DGKI: variants seen among roughly 807,000 people sequenced by gnomAD.
DGKI encodes diacylglycerol kinase iota.
A neutral mutation model predicts 147.5 loss-of-function variants in DGKI; 55 were observed. That is an observed-to-expected ratio of 0.37 (90% CI 0.30 to 0.47). The LOEUF (loss-of-function observed/expected upper bound fraction) is 0.47. DGKI is among the 20% of genes least tolerant of loss of function. The probability of loss-of-function intolerance (pLI) is 1.00; values close to 1 mark genes in which losing one functional copy is unlikely to be tolerated. For synonymous variants in DGKI, 469 were observed against 477.1 expected (o/e 0.98, Z 0.22); for missense variants, 1,007 against 1,323.8 (o/e 0.76, Z 3.71).
intron 19 of DGKI, among the ~76,000 whole-genome samples, chr7:137,554,155 G>T (rs1195240187): frequency 6.6e-6 from 1 of 152,228 alleles, no homozygotes; most frequent in African/African-American, 2.4e-5. Flanking sequence ...AGGAAGTACT[G>T]TAATTAGCTT....
At chr7:137,722,045 A>T (rs1476643362) in intron 1 of DGKI, 7 of 1,591,940 alleles carry the variant, frequency 4.4e-6, no homozygotes, top group Non-Finnish European at 5.9e-6. Context: ...GAAGCCAAGA[A>T]GGCTGATGCT....
At chr7:137,411,956 A>T (rs1338644894) in intron 29 of DGKI, among the ~76,000 whole-genome samples, 1 of 152,184 alleles carries the variant, frequency 6.6e-6, no homozygotes, top group East Asian at 1.9e-4. Flanking sequence ...CATCCTGGGG[A>T]CATGCAGTTC....
chr7:137,678,953 T>C (rs1176424857), intron 2 of DGKI, among the ~76,000 whole-genome samples: 1 of 152,184 alleles, frequency 6.6e-6, no homozygotes, highest in Non-Finnish European at 1.5e-5. Context: ...TCTAAATAGT[T>C]CGATGTCAAA....
At chr7:137,406,611 T>C (rs1188288135) in intron 30 of DGKI, among the ~76,000 whole-genome samples, 1 of 152,198 alleles carries the variant, frequency 6.6e-6, no homozygotes, top group Admixed American at 6.5e-5. Context: ...GATAGTTTAG[T>C]ACCTACCTTG....
intron 19 of DGKI, among the ~76,000 whole-genome samples, chr7:137,557,745 G>A: frequency 6.6e-6 from 1 of 152,052 alleles, no homozygotes; most frequent in Non-Finnish European, 1.5e-5. Context: ...ACTCAGACAG[G>A]CAGCCCTCAC....
rs748435522 is a variant in DGKI at position 137,609,523 on chromosome 7, T to G, written c.1068+12A>C. The G allele has an allele frequency of 1.2e-6, 2 of 1,601,230 alleles. No individual in the cohort carries two copies. The highest frequency in any genetic ancestry group is 3.3e-5 in the Admixed American group (2 of 59,902). ...GTGGAAATTCCTCAGAATAAAACTC[T>G]GAAACACTTACTTCCATCCCTCTTT... is the stretch of plus-strand genomic sequence containing the variant. On this transcript the variant is annotated intron_variant, in intron 9 of 32. Coordinates refer to ENST00000614521, the MANE Select transcript of DGKI (RefSeq NM_001321708.2).
At chr7:137,803,539 CTT>C (rs1797276297) in intron 1 of DGKI, among the ~76,000 whole-genome samples, 1 of 151,992 alleles carries the variant, frequency 6.6e-6, no homozygotes, top group African/African-American at 2.4e-5. Flanking sequence ...TGCTATTTTT[CTT>C]TATGATGTCT....
intron 1 of DGKI, among the ~76,000 whole-genome samples, chr7:137,793,448 A>G (rs1218507001): frequency 6.6e-6 from 1 of 151,908 alleles, no homozygotes; most frequent in African/African-American, 2.4e-5. Flanking sequence ...TCACAGGCAC[A>G]CACCACCATG....
intron 21 of DGKI, among the ~76,000 whole-genome samples, chr7:137,491,521 T>C (rs1467126186): frequency 6.6e-6 from 1 of 152,230 alleles, no homozygotes; most frequent in Non-Finnish European, 1.5e-5. Flanking sequence ...TCTAGATATT[T>C]ATAAGTTTAA....
intron 19 of DGKI, among the ~76,000 whole-genome samples, chr7:137,557,790 C>A (rs1818277124): frequency 6.6e-6 from 1 of 152,116 alleles, no homozygotes; most frequent in Non-Finnish European, 1.5e-5. Flanking sequence ...ATTCCCTTCT[C>A]CAGAGTTCTA....
intron 6 of DGKI, among the ~76,000 whole-genome samples, chr7:137,638,610 A>ATGTGTG (rs1437539297): frequency 1.5e-3 from 2 of 1,356 alleles, no homozygotes; most frequent in African/African-American, 2.5e-3. Context: ...ATGTATATAT[A>ATGTGTG]TACACACACA....
intron 6 of DGKI, among the ~76,000 whole-genome samples, chr7:137,629,327 A>C (rs1821051178): frequency 6.6e-6 from 1 of 152,230 alleles, no homozygotes; most frequent in African/African-American, 2.4e-5. Context: ...TAAGATGAAA[A>C]TTTTAAAATC....
At chr7:137,524,402 G>C (rs1421477715) in intron 20 of DGKI, among the ~76,000 whole-genome samples, 4 of 152,010 alleles carry the variant, frequency 2.6e-5, no homozygotes, top group African/African-American at 9.7e-5. Flanking sequence ...AATTAATATA[G>C]TTATTTTAAA....
At position 137,695,588 on chromosome 7, in the gene DGKI, A is replaced by C. The variant is rs567919853; in HGVS notation, c.402-5586T>G. Among the ~76,000 whole-genome samples the C allele has an allele frequency of 2.0e-5, 3 of 152,332 alleles. No individual in the cohort carries two copies. The South Asian group carries it at 6.2e-4, about 32-fold the overall frequency. On this transcript the variant is annotated intron_variant, in intron 1 of 32. Coordinates refer to ENST00000614521, the MANE Select transcript of DGKI (RefSeq NM_001321708.2). ...GAACACGTAAGCTCCATGTCTAACA[A>C]CACACAGGTAAGAAGAGGTCCGAGT... is the stretch of plus-strand genomic sequence containing the variant.
At chr7:137,435,127 T>C (rs2128913185) in intron 28 of DGKI, among the ~76,000 whole-genome samples, 1 of 152,314 alleles carries the variant, frequency 6.6e-6, no homozygotes, top group South Asian at 2.1e-4. Context: ...CACCACATAC[T>C]GCAGCAAATT....
intron 12 of DGKI, among the ~76,000 whole-genome samples, chr7:137,595,787 A>G (rs1048570793): frequency 6.6e-6 from 1 of 152,018 alleles, no homozygotes; most frequent in African/African-American, 2.4e-5. Flanking sequence ...GTGGATCACG[A>G]GGTCAGGAGA....
At chr7:137,755,465 A>AAATTG (rs1205684121) in intron 1 of DGKI, among the ~76,000 whole-genome samples, 3 of 152,212 alleles carry the variant, frequency 2.0e-5, no homozygotes, top group Admixed American at 1.3e-4. Context: ...TCAGGCTTAA[A>AAATTG]AATTGCTTCT....
intron 21 of DGKI, among the ~76,000 whole-genome samples, chr7:137,508,487 A>G (rs1816452076): frequency 6.6e-6 from 1 of 152,040 alleles, no homozygotes; most frequent in Middle Eastern, 3.4e-3. Flanking sequence ...CGGCCTCCCA[A>G]AGTGCTGGGA....
rs191807238 is a variant in DGKI, at chr7:137,533,635, G to A, written c.2148-11669C>T. Among the ~76,000 whole-genome samples the A allele has an allele frequency of 3.2e-3, 485 of 152,124 alleles. 2 individuals carry two copies. Among genetic ancestry groups the A allele is most frequent in the Non-Finnish European group, 5.2e-3 (354 of 67,990 alleles). ...ACATCAAGCCAAATGACATAATCAC[G>A]TCCCAATTAGAGGACATAGCCACCT... On this transcript the variant is annotated intron_variant, in intron 20 of 32. Transcript: ENST00000614521.
Sources: gnomAD v4.1 joint callset for allele counts (sites outside exome capture counted in the v4.1 genomes callset) on GRCh38, gnomAD v4.1.1 for gene constraint, MANE v1.5 for transcripts, NCBI Gene and HGNC (gene_info 2026-07-23, HGNC 2026-07-21) for gene names.